The following CALN1 variants were observed in gnomAD, a reference collection of about 807,000 sequenced individuals.
CALN1 encodes calcium-binding protein 8.
A neutral mutation model predicts 30.6 loss-of-function variants in CALN1; 17 were observed. The ratio of observed to expected loss-of-function variants is 0.56; its 90% CI spans 0.38 to 0.83. The LOEUF is 0.83. Ranked by LOEUF, CALN1 falls within the 40% of genes least tolerant of loss-of-function variation. CALN1 has a pLI of 0.00. For synonymous variants in CALN1, 156 were observed against 131.4 expected (o/e 1.19, Z -1.28); for missense variants, 291 against 354.9 (o/e 0.82, Z 1.45).
chr7:72,282,241 A>G (rs777909442), intron 2 of CALN1, among the ~76,000 whole-genome samples: 2 of 152,228 alleles, frequency 1.3e-5, no homozygotes, highest in African/African-American at 4.8e-5. Context: ...CTGAAACTAA[A>G]ACTTGAAGAT....
chr7:72,345,112 G>A (rs902246840), intron 2 of CALN1, among the ~76,000 whole-genome samples: 2 of 148,748 alleles, frequency 1.3e-5, no homozygotes, highest in African/African-American at 4.9e-5. Context: ...TATGTTATAC[G>A]AAATTACATA....
the CALN1 span, among the ~76,000 whole-genome samples, chr7:72,458,202 TAA>T: frequency 2.5e-5 from 3 of 118,020 alleles, no homozygotes; most frequent in African/African-American, 9.7e-5. Context: ...TTATAATATA[TAA>T]TATATTTTAT....
chr7:71,916,430 C>A (rs1006584883), intron 5 of CALN1, among the ~76,000 whole-genome samples: 2 of 151,756 alleles, frequency 1.3e-5, no homozygotes, highest in Non-Finnish European at 2.9e-5. Flanking sequence ...AGAAAGGCAT[C>A]AATGATTTTC....
At chr7:72,106,989 GGAAAGAAAGAAAAATA>G (rs1807214558) in intron 3 of CALN1, among the ~76,000 whole-genome samples, 1 of 147,744 alleles carries the variant, frequency 6.8e-6, no homozygotes, top group South Asian at 2.1e-4. Flanking sequence ...AAGAAAGAAA[GGAAAGAAAGAAAAATA>G]GAAAGAAAGA....
chr7:72,375,920 C>T (rs1804529278), intron 2 of CALN1, among the ~76,000 whole-genome samples: 1 of 152,154 alleles, frequency 6.6e-6, no homozygotes, highest in Non-Finnish European at 1.5e-5. Context: ...CCATTTTCCC[C>T]TTCTCCCCAT....
chr7:72,081,792 G>A (rs1300566602), intron 4 of CALN1, among the ~76,000 whole-genome samples: 1 of 151,984 alleles, frequency 6.6e-6, no homozygotes, highest in Non-Finnish European at 1.5e-5. Flanking sequence ...AATTGGAGCG[G>A]GCATCTCTCC....
chr7:72,237,556 G>A (rs1204479782), intron 3 of CALN1, among the ~76,000 whole-genome samples: 2 of 152,170 alleles, frequency 1.3e-5, no homozygotes, highest in South Asian at 2.1e-4. Context: ...GGAGACAGAA[G>A]CAGAAAAATG....
chr7:72,307,473 G>T (rs1034906901), intron 2 of CALN1, among the ~76,000 whole-genome samples: 1 of 152,210 alleles, frequency 6.6e-6, no homozygotes, highest in African/African-American at 2.4e-5. Flanking sequence ...TCGGTCGCTC[G>T]TGCAGTGCAG....
chr7:72,132,551 T>C (rs1043176176), intron 3 of CALN1, among the ~76,000 whole-genome samples: 1 of 152,180 alleles, frequency 6.6e-6, no homozygotes, highest in Non-Finnish European at 1.5e-5. Context: ...AAAAATTATA[T>C]GAAGAATGCC....
At chr7:71,955,700 G>C (rs1204351119) in intron 5 of CALN1, among the ~76,000 whole-genome samples, 2 of 152,056 alleles carry the variant, frequency 1.3e-5, no homozygotes, top group African/African-American at 2.4e-5. Context: ...TTTTGAGCAT[G>C]CCCTGGCTCA....
At chr7:71,910,493 C>T (rs1584493726) in intron 5 of CALN1, among the ~76,000 whole-genome samples, 2 of 152,180 alleles carry the variant, frequency 1.3e-5, no homozygotes, top group East Asian at 3.8e-4. Flanking sequence ...TGTCCTGCAT[C>T]CACACCTAAC....
intron 3 of CALN1, among the ~76,000 whole-genome samples, chr7:72,186,977 T>C (rs182902051): frequency 6.6e-5 from 10 of 150,798 alleles, no homozygotes; most frequent in Middle Eastern, 3.4e-3. Flanking sequence ...GATGATATTA[T>C]GAGTCCCCAG....
chr7:72,358,812 G>A (rs1803391962), intron 2 of CALN1, among the ~76,000 whole-genome samples: 1 of 151,992 alleles, frequency 6.6e-6, no homozygotes, highest in African/African-American at 2.4e-5. Flanking sequence ...AGCTGGGCAT[G>A]GTGGCGGGCA....
In CALN1 at chr7:72,407,786, G is replaced by A. The variant is rs181952706; in HGVS notation, c.-74+4272C>T. On this transcript the variant is annotated intron_variant, in intron 1 of 6. Transcript: ENST00000395275. ...AATACTGACTGAGCTTCTCAGCTCA[G>A]ATGGGCGCTGGACTGGACACAGGGC... is the stretch of plus-strand genomic sequence containing the variant. Among the ~76,000 whole-genome samples the A allele has an allele frequency of 1.1e-4, 17 of 152,256 alleles. No homozygotes were observed. The East Asian group carries it at 3.3e-3, about 29-fold the overall frequency.
At chr7:71,847,785 GAA>G (rs1790383324) in intron 5 of CALN1, among the ~76,000 whole-genome samples, 3 of 147,960 alleles carry the variant, frequency 2.0e-5, no homozygotes, top group Non-Finnish European at 4.4e-5. Context: ...AGAAGAAGAA[GAA>G]GAAGAAGAAA....
chr7:71,831,775 G>A (rs1329341114), intron 5 of CALN1, among the ~76,000 whole-genome samples: 3 of 144,768 alleles, frequency 2.1e-5, no homozygotes, highest in Non-Finnish European at 3.0e-5. Flanking sequence ...ACCTGTAGTC[G>A]CAGCTACTCG....
chr7:71,943,194 G>A (rs1562923830), intron 5 of CALN1, among the ~76,000 whole-genome samples: 1 of 152,150 alleles, frequency 6.6e-6, no homozygotes, highest in Non-Finnish European at 1.5e-5. Context: ...ACTGAGACCT[G>A]TCTCACATTT....
chr7:72,189,477 C>A (rs545320732), intron 3 of CALN1, among the ~76,000 whole-genome samples: 14 of 152,340 alleles, frequency 9.2e-5, no homozygotes, highest in African/African-American at 2.9e-4. Context: ...TTACTGCAGG[C>A]TGGGCATGGT....
chr7:72,429,532 T>C (rs1211771067), intron 1 of CALN1, among the ~76,000 whole-genome samples: 1 of 152,062 alleles, frequency 6.6e-6, no homozygotes, highest in African/African-American at 2.4e-5. Flanking sequence ...TGGTTATGAA[T>C]TAGTAGCAGC....
Sources: gnomAD v4.1 joint callset for allele counts (sites outside exome capture counted in the v4.1 genomes callset) on GRCh38, gnomAD v4.1.1 for gene constraint, MANE v1.5 for transcripts, NCBI Gene and HGNC (gene_info 2026-07-23, HGNC 2026-07-21) for gene names.